Variants in NLRC4 observed in about 807,000 individuals in gnomAD.
NLRC4 encodes NLR family CARD domain containing 4.
Under a neutral mutation model 79.9 loss-of-function variants are expected in NLRC4, and 63 were observed. That is an observed-to-expected ratio of 0.79 (90% CI 0.64 to 0.97). The LOEUF is 0.97. NLRC4 is among the 50% of genes least tolerant of loss of function. The pLI is 0.00. For synonymous variants in NLRC4, 461 were observed against 456.5 expected (o/e 1.01, Z -0.12); for missense variants, 1,074 against 1,215.2 (o/e 0.88, Z 1.73).
Position 32,250,159 on chromosome 2 carries a change from A to G in NLRC4, c.1705T>C (p.Ser569Pro). 1 of 1,614,220 alleles carries G rather than the reference A, an allele frequency of 6.2e-7. No homozygotes were observed. ...GCTTCAAATTCTTGGCTCAGGGCTG[A>G]TTTGGATGTACTCTCTTGATATAAA... ...IHLYQESTSK[S>P]ALSQEFEAFF... Residue 569 changes from serine to proline, a missense_variant, in exon 4 of 9, where the codon TCA (serine) becomes CCA (proline). Coordinates refer to ENST00000402280, the MANE Select transcript of NLRC4 (RefSeq NM_001199138.2). The surrounding 1 kb of genome is among the most constrained non-coding windows in gnomAD (Gnocchi z 4.9).
Position 32,241,086 on chromosome 2 carries a change from G to C in NLRC4, c.2297C>G (p.Thr766Arg). ...TDSLGNLKNL[T>R]KLIMDNIKMN... ...CTTTATGTTATCCATTATGAGCTTT[G>C]TAAGGTTCTTCAAGTTACCCAAGCT... The change falls in exon 5 of 9, where the codon ACA (threonine) becomes AGA (arginine). Residue 766 changes from threonine to arginine, a missense_variant. Coordinates refer to ENST00000402280, the MANE Select transcript of NLRC4 (RefSeq NM_001199138.2). The C allele has an allele frequency of 6.2e-7, 1 of 1,610,048 alleles. No individual in the cohort carries two copies.
rs1573501789 is a variant in NLRC4, at chr2:32,256,913, G to A, written c.-118-20C>T. 1.6e-6 allele frequency: 1 copy of A among 630,246 alleles called. No individual in the cohort carries two copies. Among genetic ancestry groups the A allele is most frequent in the South Asian group, 1.9e-5 (1 of 53,860 alleles). The allele number at this position is 630,246 out of a possible 1,614,324, so 39.0% of individuals were successfully genotyped here. On this transcript the variant is annotated intron_variant, in intron 1 of 8. Coordinates refer to ENST00000402280, the MANE Select transcript of NLRC4 (RefSeq NM_001199138.2). Reference sequence around the variant, plus strand: ...TTCATTCTGTAAAACAAACAAAACAGAACCAGAGACTATCAGGTGGAGGGG... The same window carrying A: ...TTCATTCTGTAAAACAAACAAAACAAAACCAGAGACTATCAGGTGGAGGGG...
chr2:32,259,262 A>ATTTTTTTTTTT lies in NLRC4; in HGVS notation c.-118-2380_-118-2370dup, dbSNP rs57570626. 2.3e-4 allele frequency among the ~76,000 whole-genome samples: 12 copies of ATTTTTTTTTTT among 52,876 alleles called. 2 individuals carry two copies. Among genetic ancestry groups the ATTTTTTTTTTT allele is most frequent in the African/African-American group, 3.8e-4 (4 of 10,664 alleles). 34.7% of individuals were successfully genotyped at this position (52,876 alleles called of 152,430 possible). A position where few individuals can be genotyped will look rare whatever the true frequency, so the allele number is the denominator to read the frequency against. Reference sequence around the variant, plus strand: ...AGGTGTGTGCCACCATGCCTGGCTAATTTTTTTTTTTTTTTTTTTTTTTTT... The same window carrying ATTTTTTTTTTT: ...AGGTGTGTGCCACCATGCCTGGCTAATTTTTTTTTTTTTTTTTTTTTTTTTTTTTTTTTTTT... On this transcript the variant is annotated intron_variant, in intron 1 of 8. Transcript: ENST00000402280.
chr2:32,251,606 T>G lies in NLRC4; in HGVS notation c.263-5A>C, dbSNP rs1271811878. The G allele has an allele frequency of 1.3e-6, 2 of 1,573,626 alleles. No individual in the cohort carries two copies. Among genetic ancestry groups the G allele is most frequent in the Non-Finnish European group, 1.7e-6 (2 of 1,159,984 alleles). On this transcript the variant is annotated splice_region_variant and splice_polypyrimidine_tract_variant and intron_variant, in intron 3 of 8. Coordinates refer to ENST00000402280, the MANE Select transcript of NLRC4 (RefSeq NM_001199138.2). The stretch of plus-strand genomic sequence containing the variant: ...CTGATGTCTGATGAAAAAGACCTAT[T>G]AGAGAAGAGGTGATGTTAAAGAAGA...
Position 32,235,474 on chromosome 2 carries a change from CA to C in NLRC4, c.2708del (p.Leu903TrpfsTer12). On this transcript the variant is annotated frameshift_variant, in exon 8 of 9. Transcript: ENST00000402280. LOFTEE classifies it high-confidence loss of function. Reference sequence around the variant, plus strand: ...GCTTGACGAGTTGTGGGACCTCCTCCAAATGTTTCAACAGGCTGCTCAGGCT... The same window carrying C: ...GCTTGACGAGTTGTGGGACCTCCTCCAATGTTTCAACAGGCTGCTCAGGCT... The part of the protein sequence containing the change: ...QGSLSSLLKH[L>X]EEVPQLVKLG... 6.2e-7 allele frequency: 1 copy of C among 1,614,134 alleles called. No homozygotes were observed. Among genetic ancestry groups the C allele is most frequent in the East Asian group, 2.2e-5 (1 of 44,884 alleles).
chr2:32,232,258 A>G (rs1266838928), intron 8 of NLRC4, among the ~76,000 whole-genome samples: 1 of 152,182 alleles, frequency 6.6e-6, no homozygotes, highest in African/African-American at 2.4e-5. Flanking sequence ...CTTTTGCTGC[A>G]TGCTACAAGT....
chr2:32,242,358 G>A (rs543045784), intron 4 of NLRC4, among the ~76,000 whole-genome samples: 2 of 152,208 alleles, frequency 1.3e-5, no homozygotes, highest in South Asian at 2.1e-4. Context: ...ATATTAAAAG[G>A]ACAATTAGAG....
intron 8 of NLRC4, among the ~76,000 whole-genome samples, chr2:32,233,349 A>ATATAT (rs1418146489): frequency 7.8e-4 from 32 of 41,096 alleles, no homozygotes; most frequent in African/African-American, 2.7e-3. Context: ...ATATATATAT[A>ATATAT]TTTTTTTTTT....
intron 1 of NLRC4, among the ~76,000 whole-genome samples, chr2:32,261,315 C>CTTTTTTTTTTTTTTTTTTTTTTT (rs1558464069): frequency 8.6e-5 from 7 of 81,508 alleles, no homozygotes; most frequent in African/African-American, 3.4e-4. Flanking sequence ...AAGCCTCCCC[C>CTTTTTTTTTTTTTTTTTTTTTTT]CTTTTGTTTT....
intron 4 of NLRC4, among the ~76,000 whole-genome samples, chr2:32,245,821 G>A (rs947754821): frequency 7.9e-5 from 12 of 152,140 alleles, no homozygotes; most frequent in African/African-American, 2.9e-4. Flanking sequence ...GTTGATACAC[G>A]AAATTTGCTT....
chr2:32,241,904 T>G (rs1001949237), intron 4 of NLRC4, among the ~76,000 whole-genome samples: 9 of 152,078 alleles, frequency 5.9e-5, no homozygotes, highest in African/African-American at 2.2e-4. Flanking sequence ...CATACTTATA[T>G]TAGAAATGAG....
chr2:32,265,444 G>C (rs1010736537), upstream of NLRC4: 1 of 152,352 alleles, frequency 6.6e-6, no homozygotes, highest in African/African-American at 2.4e-5. Context: ...GCCTCCCAAA[G>C]TGCTGGGATT....
chr2:32,261,315 C>CTTTTTTTTTTTTTTTTT (rs1558464069), intron 1 of NLRC4, among the ~76,000 whole-genome samples: 2 of 81,508 alleles, frequency 2.5e-5, no homozygotes, highest in African/African-American at 9.7e-5. Context: ...AAGCCTCCCC[C>CTTTTTTTTTTTTTTTTT]CTTTTGTTTT....
chr2:32,245,426 C>A (rs1686912552), intron 4 of NLRC4, among the ~76,000 whole-genome samples: 1 of 149,614 alleles, frequency 6.7e-6, no homozygotes, highest in Non-Finnish European at 1.5e-5. Context: ...ATCTAAAAAT[C>A]AAAACAATTG....
chr2:32,229,366 A>G (rs1471392558), intron 8 of NLRC4, among the ~76,000 whole-genome samples: 11 of 152,160 alleles, frequency 7.2e-5, no homozygotes, highest in Admixed American at 7.2e-4. Flanking sequence ...GGGGAGGCTG[A>G]GGCAGGAGAA....
In NLRC4 at chr2:32,250,152, A is replaced by G. The variant is rs1348929585; in HGVS notation, c.1712T>C (p.Leu571Pro). 6.2e-7 allele frequency: 1 copy of G among 1,614,260 alleles called. No individual in the cohort carries two copies. ...LYQESTSKSA[L>P]SQEFEAFFQG... ...AAAGAAAGCTTCAAATTCTTGGCTC[A>G]GGGCTGATTTGGATGTACTCTCTTG... Residue 571 changes from leucine (L) to proline (P), a missense_variant, in exon 4 of 9, where the codon CTG becomes CCG. By Grantham distance (98) the Leu-to-Pro change is moderately conservative. Transcript: ENST00000402280. This position sits in a 1 kb window ranked among gnomAD's most constrained non-coding sequence, Gnocchi z 4.9.
At chr2:32,229,078 G>C (rs1448275702) in intron 8 of NLRC4, among the ~76,000 whole-genome samples, 1 of 152,002 alleles carries the variant, frequency 6.6e-6, no homozygotes, top group Non-Finnish European at 1.5e-5. Context: ...CTGGATAGCA[G>C]AGTTCAGCTT....
chr2:32,240,136 A>C (rs997814217), intron 5 of NLRC4, among the ~76,000 whole-genome samples: 8 of 152,118 alleles, frequency 5.3e-5, no homozygotes, highest in Non-Finnish European at 8.8e-5. Context: ...GCATACCACC[A>C]TGCCCAGCTA....
chr2:32,238,294 G>C lies in NLRC4; in HGVS notation c.2359C>G (p.Leu787Val), dbSNP rs745471341. The C allele has an allele frequency of 1.9e-6, 3 of 1,608,944 alleles. No individual in the cohort carries two copies. The African/African-American group carries it at 4.0e-5, about 22-fold the overall frequency. ...AAACACATCTTCTTCAGGTTTTTCA[G>C]GCCTTCAGCTGAAAAATGATAGAAA... ...EEDAIKLAEG[L>V]KNLKKMCLFH... The change falls in exon 6 of 9, where the codon CTG becomes GTG. Residue 787 changes from leucine (L) to valine (V), a missense_variant. By Grantham distance (32) the Leu-to-Val change is conservative. Transcript: ENST00000402280.
Sources: gnomAD v4.1 joint callset for allele counts (sites outside exome capture counted in the v4.1 genomes callset) on GRCh38, gnomAD v4.1.1 for gene constraint, Gnocchi (gnomAD v3.1) non-coding constraint, MANE v1.5 for transcripts, NCBI Gene and HGNC (gene_info 2026-07-23, HGNC 2026-07-21) for gene names.